The following NCF2 variants were observed in gnomAD, a reference collection of about 807,000 sequenced individuals.
NCF2 encodes neutrophil cytosolic factor 2.
Under a neutral mutation model 70.9 loss-of-function variants are expected in NCF2, and 45 were observed. The observed-to-expected ratio is 0.63, with a 90% CI of 0.50 to 0.81. The LOEUF is 0.81. Ranked by LOEUF, NCF2 falls within the 40% of genes least tolerant of loss-of-function variation. The pLI is 0.00. For synonymous variants in NCF2, 203 were observed against 233.6 expected (o/e 0.87, Z 1.19); for missense variants, 522 against 631.6 (o/e 0.83, Z 1.86).
chr1:183,567,348 G>A lies in NCF2; in HGVS notation c.714-3C>T. Reference sequence around the variant, plus strand: ...GGTGAGCCTCCCCTTCCAGAGCCCTGCAGAGGATAGACACAAGATCCAGCC... The same window carrying A: ...GGTGAGCCTCCCCTTCCAGAGCCCTACAGAGGATAGACACAAGATCCAGCC... On this transcript the variant is annotated splice_region_variant and splice_polypyrimidine_tract_variant and intron_variant, in intron 7 of 14. Coordinates refer to ENST00000367535, the MANE Select transcript of NCF2 (RefSeq NM_000433.4). 1 of 1,613,910 alleles carries A rather than the reference G, an allele frequency of 6.2e-7. No homozygotes were observed. The highest frequency in any genetic ancestry group is 1.1e-5 in the South Asian group (1 of 91,080).
Position 183,586,890 on chromosome 1 carries a change from C to T in NCF2, c.257+5G>A. ...CTCCAGTTGGTGCAACATTGAACCA[C>T]TTACTTCTCTGTCTGGTAGTAGAGC... On this transcript the variant is annotated splice_donor_5th_base_variant and intron_variant, in intron 2 of 14. Transcript: ENST00000367535. The T allele has an allele frequency of 6.2e-7, 1 of 1,613,438 alleles. No homozygotes were observed. Among genetic ancestry groups the T allele is most frequent in the Non-Finnish European group, 8.5e-7 (1 of 1,179,352 alleles).
the NCF2 span, among the ~76,000 whole-genome samples, chr1:183,596,314 T>C: frequency 6.6e-6 from 1 of 150,874 alleles, no homozygotes; most frequent in Admixed American, 6.6e-5. Flanking sequence ...TAAAGACACC[T>C]CATATTAAGC....
chr1:183,568,732 G>A (rs1173205866), intron 7 of NCF2, among the ~76,000 whole-genome samples: 1 of 150,606 alleles, frequency 6.6e-6, no homozygotes, highest in Non-Finnish European at 1.5e-5. Context: ...GGGGACTGCA[G>A]CCAGTGCGAA....
At position 183,586,906 on chromosome 1, in the gene NCF2, G is replaced by A; in HGVS notation, c.246C>T (p.Tyr82=). The A allele has an allele frequency of 6.2e-7, 1 of 1,613,882 alleles. No individual in the cohort carries two copies. The highest frequency in any genetic ancestry group is 8.5e-7 in the Non-Finnish European group (1 of 1,179,782). ...VAYFQRGMLY[Y]QTEKYDLAIK... ...ATTGAACCACTTACTTCTCTGTCTG[G>A]TAGTAGAGCATCCCTCGTTGGAAGT... Residue 82 remains tyrosine, a synonymous_variant, in exon 2 of 15, where the codon TAC becomes TAT. Coordinates refer to ENST00000367535, the MANE Select transcript of NCF2 (RefSeq NM_000433.4).
Position 183,569,598 on chromosome 1 carries a change from A to AT in NCF2, c.670-414dup, listed in dbSNP as rs550655767. 1.2e-4 allele frequency among the ~76,000 whole-genome samples: 19 copies of AT among 152,064 alleles called. 1 individual carries two copies. The South Asian group carries it at 3.1e-3, about 25-fold the overall frequency. On this transcript the variant is annotated intron_variant, in intron 6 of 14. Transcript: ENST00000367535. Reference sequence around the variant, plus strand: ...GTATTTTTAAATTAATTTAAAAAAAATTTTTTTTGAGATGGAGTTTCACTC... The same window carrying AT: ...GTATTTTTAAATTAATTTAAAAAAAATTTTTTTTTGAGATGGAGTTTCACTC...
intron 14 of NCF2, among the ~76,000 whole-genome samples, chr1:183,556,616 C>T (rs1671794284): frequency 6.6e-6 from 1 of 152,226 alleles, no homozygotes; most frequent in Admixed American, 6.5e-5. Context: ...ACTGCAACCT[C>T]TGCCTCCTGG....
upstream of NCF2, among the ~76,000 whole-genome samples, chr1:183,595,631 A>G (rs1673750567): frequency 6.6e-6 from 1 of 152,178 alleles, no homozygotes; most frequent in Non-Finnish European, 1.5e-5. Context: ...ATCTGTAGCT[A>G]TAGAATTCAT....
chr1:183,572,245 C>T (rs1313026824), intron 5 of NCF2, among the ~76,000 whole-genome samples: 2 of 152,204 alleles, frequency 1.3e-5, no homozygotes. Flanking sequence ...AGTGCAATGG[C>T]ATGATCTCAG....
chr1:183,587,130 G>A (rs1673391571), intron 1 of NCF2, among the ~76,000 whole-genome samples, 153 bp from the exon 2 acceptor site: 1 of 152,188 alleles, frequency 6.6e-6, no homozygotes, highest in Non-Finnish European at 1.5e-5. Context: ...CTCTCACGGT[G>A]CACCCCACTT....
intron 1 of NCF2, among the ~76,000 whole-genome samples, 161 bp downstream of exon 1, chr1:183,589,995 G>T (rs1203057277): frequency 6.6e-6 from 1 of 152,124 alleles, no homozygotes; most frequent in African/African-American, 2.4e-5. Context: ...GCTGCCTGGG[G>T]CCCCTCCCAG....
At chr1:183,583,526 T>A (rs1291005612) in intron 2 of NCF2, among the ~76,000 whole-genome samples, 1 of 152,272 alleles carries the variant, frequency 6.6e-6, no homozygotes, top group Non-Finnish European at 1.5e-5. Flanking sequence ...ACGGAGACTA[T>A]ATTTTGCTCA....
At chr1:183,563,781 C>CT in intron 11 of NCF2, 196 bp from the exon 12 acceptor site, 2 of 817,598 alleles carry the variant, frequency 2.4e-6, no homozygotes, top group Non-Finnish European at 4.0e-6. Context: ...ACAGGAATTC[C>CT]TACTGAGTAA....
chr1:183,597,947 C>T, the NCF2 span: 1 of 152,296 alleles, frequency 6.6e-6, no homozygotes, highest in African/African-American at 2.4e-5. Flanking sequence ...TGAGTCCTGG[C>T]TGGTTGGACC....
intron 10 of NCF2, 61 bp from the exon 11 acceptor site, chr1:183,564,091 C>G (rs1481193925): frequency 2.7e-6 from 4 of 1,509,372 alleles, no homozygotes; most frequent in South Asian, 2.2e-5. Flanking sequence ...CCTTGGCCAG[C>G]CCCTGCCACA....
chr1:183,560,191 T>G lies in NCF2; in HGVS notation c.1373A>C (p.Lys458Thr), dbSNP rs755209791. 6.2e-7 allele frequency: 1 copy of G among 1,614,184 alleles called. No homozygotes were observed. The highest frequency in any genetic ancestry group is 1.1e-5 in the South Asian group (1 of 91,080). The change falls in exon 14 of 15, where the codon AAA becomes ACA. Residue 458 changes from lysine (K) to threonine (T), a missense_variant. By Grantham distance (78) the Lys-to-Thr change is moderately conservative. Coordinates refer to ENST00000367535, the MANE Select transcript of NCF2 (RefSeq NM_000433.4). ...GAAGAGTGCCTCCACTTGGCTGCCTTTCTTAAGCTGAGGTTCTGTTGTCTG... is the reference window on the plus strand; with the variant it reads ...GAAGAGTGCCTCCACTTGGCTGCCTGTCTTAAGCTGAGGTTCTGTTGTCTG... ...NNQTTEPQLK[K>T]GSQVEALFSY...
chr1:183,563,107 A>T, intron 13 of NCF2, 88 bp downstream of exon 13: 1 of 1,154,160 alleles, frequency 8.7e-7, no homozygotes, highest in Non-Finnish European at 1.3e-6. Flanking sequence ...TATAGTGCCT[A>T]GTACACAGAA....
At chr1:183,556,354 A>G (rs1329964340) in intron 14 of NCF2, 124 bp from the exon 15 acceptor site, 3 of 829,376 alleles carry the variant, frequency 3.6e-6, no homozygotes, top group African/African-American at 3.4e-5. Context: ...ATCAACAGGG[A>G]AAAGACAGTA....
upstream of NCF2, among the ~76,000 whole-genome samples, chr1:183,592,742 T>A (rs1299849104): frequency 6.6e-6 from 1 of 152,206 alleles, no homozygotes; most frequent in Non-Finnish European, 1.5e-5. Context: ...AAAAATGTTT[T>A]TGCCCTCCTA....
At chr1:183,560,535 G>T (rs1384739689) in intron 13 of NCF2, among the ~76,000 whole-genome samples, 8 of 152,166 alleles carry the variant, frequency 5.3e-5, no homozygotes, top group Non-Finnish European at 5.9e-5. Context: ...GGGTTGGGGG[G>T]TGGTTTCAGG....
Sources: allele counts gnomAD v4.1 joint callset (sites outside exome capture counted in the v4.1 genomes callset), GRCh38; gene constraint gnomAD v4.1.1; transcripts MANE v1.5; gene names NCBI Gene and HGNC (gene_info 2026-07-23, HGNC 2026-07-21).